Variants in WDR59 observed in about 807,000 individuals in gnomAD.
WDR59 encodes WD repeat domain 59, also known as GATOR2 complex protein WDR59.
In WDR59, 100 loss-of-function variants were observed where a neutral mutation model predicts 131.2. The ratio of observed to expected loss-of-function variants is 0.76; its 90% confidence interval spans 0.65 to 0.90. The LOEUF (loss-of-function observed/expected upper bound fraction) is 0.90, where lower values mean the gene tolerates loss of function less well. Among genes scored for constraint, WDR59 ranks in the 40% least tolerant of loss-of-function variants. WDR59 has a pLI of 0.00. For missense variants in WDR59, 1,203 were observed against 1,262.2 expected, an observed-to-expected ratio of 0.95 and a Z score of 0.71; for synonymous variants, 601 against 466.2, an observed-to-expected ratio of 1.29 and a Z score of -3.72.
intron 18 of WDR59, among the ~76,000 whole-genome samples, chr16:74,898,924 G>A (rs1320130567): frequency 1.3e-5 from 2 of 152,154 alleles, no homozygotes; most frequent in Non-Finnish European, 2.9e-5. Flanking sequence ...CTTGCTAATC[G>A]GGGCTTCTGA....
intron 17 of WDR59, among the ~76,000 whole-genome samples, chr16:74,905,289 C>T (rs1220813666): frequency 4.7e-5 from 7 of 149,068 alleles, no homozygotes; most frequent in Non-Finnish European, 6.0e-5. Context: ...GCAGGAGAAT[C>T]ACTTGAACCC....
Position 74,874,128 on chromosome 16 carries a change from G to C in WDR59, c.*81C>G. ...TCACTGGGGACGAACCCAGGTTCTG[G>C]AGCCTCTCCCCTGACAGACAGCTTG... On this transcript the variant is annotated 3_prime_UTR_variant, in exon 26 of 26. Coordinates refer to ENST00000262144, the MANE Select transcript of WDR59 (RefSeq NM_030581.4). The C allele has an allele frequency of 8.0e-7, 1 of 1,250,062 alleles. No individual in the cohort carries two copies. The highest frequency in any genetic ancestry group is 1.5e-5 in the African/African-American group (1 of 67,592). 77.4% of individuals were successfully genotyped at this position (1,250,062 alleles called of 1,614,324 possible).
intron 2 of WDR59, among the ~76,000 whole-genome samples, chr16:74,963,814 T>G (rs2033658692): frequency 6.6e-6 from 1 of 152,016 alleles, no homozygotes; most frequent in Non-Finnish European, 1.5e-5. Flanking sequence ...GATGGATTGC[T>G]TGAGTCTGGG....
chr16:74,919,137 T>C lies in WDR59; in HGVS notation c.887-1129A>G, dbSNP rs572637327. Among the ~76,000 whole-genome samples the C allele has an allele frequency of 3.9e-5, 6 of 152,190 alleles. No individual in the cohort carries two copies. In the East Asian group the frequency reaches 7.7e-4, roughly 20 times the overall value. ...CTCCCCCGCTGGTCCCAAGGGGCCC[T>C]TTGCTTCCCCGACTCCCTTGTATCT... On this transcript the variant is annotated intron_variant, in intron 10 of 25. Coordinates refer to ENST00000262144, the MANE Select transcript of WDR59 (RefSeq NM_030581.4).
At chr16:74,895,822 G>A (rs1210462744) in intron 18 of WDR59, among the ~76,000 whole-genome samples, 1 of 152,208 alleles carries the variant, frequency 6.6e-6, no homozygotes, top group South Asian at 2.1e-4. Context: ...GAGCCAGGCA[G>A]TGTTACTGAC....
intron 18 of WDR59, among the ~76,000 whole-genome samples, chr16:74,896,089 T>TA (rs796640807): frequency 0.034 from 4,924 of 146,512 alleles, 256 homozygotes; most frequent in African/African-American, 0.11. Context: ...GGCACTGGAT[T>TA]AAAAAAAAAA....
Position 74,968,942 on chromosome 16 carries a change from C to T in WDR59, c.55-3120G>A, listed in dbSNP as rs574515827. On this transcript the variant is annotated intron_variant, in intron 1 of 25. Coordinates refer to ENST00000262144, the MANE Select transcript of WDR59 (RefSeq NM_030581.4). ...CCAAAGAAGGAATGGAGAAAGGGAA[C>T]ACTGAGCAGAGGAAGTGAAAACGAC... Among the ~76,000 whole-genome samples the T allele has an allele frequency of 5.9e-5, 9 of 152,240 alleles. No homozygotes were observed. The East Asian group carries it at 1.7e-3, about 29-fold the overall frequency.
chr16:74,874,995 C>T (rs1964140296), intron 25 of WDR59, among the ~76,000 whole-genome samples: 1 of 152,192 alleles, frequency 6.6e-6, no homozygotes, highest in African/African-American at 2.4e-5. Flanking sequence ...AACCCAGTGC[C>T]CTACAGCAGG....
intron 11 of WDR59, among the ~76,000 whole-genome samples, chr16:74,916,760 G>A (rs1009648316): frequency 4.0e-5 from 6 of 151,722 alleles, no homozygotes; most frequent in African/African-American, 1.5e-4. Context: ...TCGGGAGGCT[G>A]AGGCAGGAGA....
chr16:74,906,313 C>CAA (rs762288713), intron 17 of WDR59, among the ~76,000 whole-genome samples: 899 of 32,488 alleles, frequency 0.028, 158 homozygotes, highest in African/African-American at 0.077. Flanking sequence ...GACTCCGTCT[C>CAA]AAAAAAAAAA....
At chr16:74,936,624 G>A (rs1429204286) in intron 8 of WDR59, among the ~76,000 whole-genome samples, 2 of 151,988 alleles carry the variant, frequency 1.3e-5, no homozygotes, top group Admixed American at 6.6e-5. Flanking sequence ...TTAGGAGTTC[G>A]AGACCATCCT....
intron 18 of WDR59, among the ~76,000 whole-genome samples, chr16:74,902,801 G>C (rs1965615924): frequency 6.6e-6 from 1 of 152,018 alleles, no homozygotes; most frequent in South Asian, 2.1e-4. Flanking sequence ...CAACAATTTT[G>C]AATGGAAAGG....
intron 18 of WDR59, among the ~76,000 whole-genome samples, chr16:74,903,591 T>A (rs1027217991): frequency 6.6e-6 from 1 of 152,106 alleles, no homozygotes; most frequent in African/African-American, 2.4e-5. Context: ...GAGGCATTCC[T>A]TAATTTGCTG....
rs1467157647 is a variant in WDR59 at position 74,925,360 on chromosome 16, A to G, written c.652-1357T>C. Among the ~76,000 whole-genome samples, 10 of 152,210 alleles carry G rather than the reference A, an allele frequency of 6.6e-5. 1 individual carries two copies. The East Asian group carries it at 1.9e-3, about 29-fold the overall frequency. ...GGAGTTCAAGACCAGCCTGGCCAAC[A>G]TGGCGAAACCCCATCTCTACCAAAA... On this transcript the variant is annotated intron_variant, in intron 8 of 25. Coordinates refer to ENST00000262144, the MANE Select transcript of WDR59 (RefSeq NM_030581.4).
intron 18 of WDR59, among the ~76,000 whole-genome samples, chr16:74,899,423 AG>A (rs981102245): frequency 6.6e-6 from 1 of 152,220 alleles, no homozygotes; most frequent in Non-Finnish European, 1.5e-5. Flanking sequence ...GCTTACAATC[AG>A]GGTTCTTTCC....
chr16:74,913,099 G>C (rs776499680), intron 13 of WDR59, among the ~76,000 whole-genome samples: 1 of 148,572 alleles, frequency 6.7e-6, no homozygotes, highest in Non-Finnish European at 1.5e-5. Context: ...TTCCCAACAT[G>C]TCCCCCTTCT....
intron 18 of WDR59, among the ~76,000 whole-genome samples, chr16:74,901,180 GGGA>G (rs1224357469): frequency 6.6e-6 from 1 of 152,032 alleles, no homozygotes; most frequent in Non-Finnish European, 1.5e-5. Flanking sequence ...AGGCTGAGGT[GGGA>G]GGACTGCAAG....
At chr16:74,920,217 CTG>C (rs1371750314) in intron 10 of WDR59, among the ~76,000 whole-genome samples, 1 of 152,068 alleles carries the variant, frequency 6.6e-6, no homozygotes, top group Non-Finnish European at 1.5e-5. Context: ...TGGCGTGAAA[CTG>C]TCACAATTTT....
chr16:74,978,717 C>A lies in WDR59; in HGVS notation c.54+6247G>T, dbSNP rs8055653. Among the ~76,000 whole-genome samples the A allele has an allele frequency of 4.5e-3, 684 of 152,088 alleles. 4 individuals are homozygous for A. The highest frequency in any genetic ancestry group is 0.016 in the African/African-American group (644 of 41,486). On this transcript the variant is annotated intron_variant, in intron 1 of 25. Transcript: ENST00000262144. ...ACTACATCCATTTGTCAAAACCCAA[C>A]AAACTCTACAATTATACCTGCATAA...
Sources: allele counts gnomAD v4.1 joint callset (sites outside exome capture counted in the v4.1 genomes callset), GRCh38; gene constraint gnomAD v4.1.1; transcripts MANE v1.5; gene names NCBI Gene and HGNC (gene_info 2026-07-23, HGNC 2026-07-21).